RASIP1: variants seen among roughly 807,000 people sequenced by gnomAD.
RASIP1 encodes Ras interacting protein 1, also known as ras-interacting protein 1.
Under a neutral mutation model 85.3 loss-of-function variants are expected in RASIP1, and 20 were observed. That is an observed-to-expected ratio of 0.23 (90% CI 0.17 to 0.34). The LOEUF is 0.34. Ranked by LOEUF, RASIP1 falls within the 10% of genes least tolerant of loss-of-function variation. The pLI, the probability that RASIP1 is intolerant of heterozygous loss-of-function variation, is 1.00. For missense variants in RASIP1, 1,170 were observed against 1,390.9 expected (o/e 0.84, Z 2.53); for synonymous variants, 617 against 647.1 (o/e 0.95, Z 0.71).
chr19:48,738,797 T>G lies in RASIP1; in HGVS notation c.823+163A>C, dbSNP rs930306654. 69 of 918,268 alleles carry G rather than the reference T, an allele frequency of 7.5e-5. 1 individual carries two copies. The highest frequency in any genetic ancestry group is 9.6e-5 in the Non-Finnish European group (69 of 717,918). 56.9% of individuals were successfully genotyped at this position (918,268 alleles called of 1,614,324 possible). A position where few individuals can be genotyped will look rare whatever the true frequency, so the allele number is the denominator to read the frequency against. On this transcript the variant is annotated intron_variant, in intron 3 of 11. Transcript: ENST00000222145. This position sits in a 1 kb window ranked among gnomAD's most constrained non-coding sequence, Gnocchi z 4.0. ...GCCGCCCCCGGCCCTGCTCTAGCTC[T>G]GCCTAGAGTCCAACACGCACCGTCC...
rs536824587 is a variant in RASIP1 at position 48,739,908 on chromosome 19, C to T, written c.137+238G>A. ...GGGAGGAAGGAAGGTGAATCAATCC[C>T]CCTGCTCCTTCTGTCCCCGTCCCCG... On this transcript the variant is annotated intron_variant, in intron 2 of 11. Coordinates refer to ENST00000222145, the MANE Select transcript of RASIP1 (RefSeq NM_017805.3). The surrounding 1 kb of genome is among the most constrained non-coding windows in gnomAD (Gnocchi z 9.2). Among the ~76,000 whole-genome samples the T allele has an allele frequency of 2.0e-5, 3 of 152,142 alleles. No individual in the cohort carries two copies. The South Asian group carries it at 6.2e-4, about 32-fold the overall frequency.
At chr19:48,737,789 C>A (rs1207342780) in intron 3 of RASIP1, 1 of 985,070 alleles carries the variant, frequency 1.0e-6, no homozygotes, top group African/African-American at 1.7e-5. Flanking sequence ...CCAGACCACG[C>A]TTTTCCACAA....
rs1173265163 is a variant in RASIP1, at chr19:48,724,115, T to C, written c.2544+222A>G. Among the ~76,000 whole-genome samples, 1 of 152,230 alleles carries C rather than the reference T, an allele frequency of 6.6e-6. No homozygotes were observed. Among genetic ancestry groups the C allele is most frequent in the Non-Finnish European group, 1.5e-5 (1 of 68,042 alleles). On this transcript the variant is annotated intron_variant, in intron 10 of 11. Coordinates refer to ENST00000222145, the MANE Select transcript of RASIP1 (RefSeq NM_017805.3). This position sits in a 1 kb window ranked among gnomAD's most constrained non-coding sequence, Gnocchi z 4.6. ...GAGCCACTGCTCCTGGCCTGGAAAC[T>C]ATTTTTAATAAGTTCCACCAGGATT...
chr19:48,723,865 TG>T (rs2033295270), intron 10 of RASIP1, among the ~76,000 whole-genome samples: 1 of 146,478 alleles, frequency 6.8e-6, no homozygotes, highest in Non-Finnish European at 1.5e-5. Context: ...TGGAGTGCAA[TG>T]GTGCAATCTT....
In RASIP1 at chr19:48,729,280, G is replaced by A. The variant is rs1278301855; in HGVS notation, c.1490C>T (p.Pro497Leu). 1 of 1,529,192 alleles carries A rather than the reference G, an allele frequency of 6.5e-7. No homozygotes were observed. Among genetic ancestry groups the A allele is most frequent in the South Asian group, 1.2e-5 (1 of 81,686 alleles). The allele number at this position is 1,529,192 out of a possible 1,614,324, so 94.7% of individuals were successfully genotyped here. ...CGCGGGCAGCCACGGCGGCCTCGCA[G>A]GCCCCGAGCCCCCAGTGCGGGGGTC... is the stretch of plus-strand genomic sequence containing the variant. ...YKDPRTGGSG[P>L]ARPPWLPARP... The change falls in exon 5 of 12, where the codon CCT becomes CTT. Residue 497 changes from proline (P) to leucine (L), a missense_variant. Physicochemically the swap from Pro to Leu is moderately conservative, Grantham distance 98. This residue lies in a region of RASIP1 where 426 missense variants were observed against 576.2 expected (regional missense o/e 0.74). Coordinates refer to ENST00000222145, the MANE Select transcript of RASIP1 (RefSeq NM_017805.3).
chr19:48,739,344 C>T lies in RASIP1; in HGVS notation c.439G>A (p.Val147Ile), dbSNP rs1294664451. 2 of 1,352,508 alleles carry T rather than the reference C, an allele frequency of 1.5e-6. No individual in the cohort carries two copies. Among genetic ancestry groups the T allele is most frequent in the Admixed American group, 4.0e-5 (1 of 24,938 alleles). The allele number at this position is 1,352,508 out of a possible 1,614,324, so 83.8% of individuals were successfully genotyped here. The change falls in exon 3 of 12, where the codon GTC becomes ATC. Residue 147 changes from valine to isoleucine, a missense_variant. Val to Ile is a conservative substitution (Grantham distance 29). This residue lies in a region of RASIP1 where 299 missense variants were observed against 394.4 expected (regional missense o/e 0.76). Coordinates refer to ENST00000222145, the MANE Select transcript of RASIP1 (RefSeq NM_017805.3). This position sits in a 1 kb window ranked among gnomAD's most constrained non-coding sequence, Gnocchi z 9.2. ...LATRATAPPG[V>I]LKIFGAGLAS... is the part of the protein sequence containing the mutation. ...AGTCCGGCGCCGAAGATCTTGAGGA[C>T]CCCCGGAGGCGCCGTGGCGCGGGTA...
chr19:48,740,222 CG>C lies in RASIP1; in HGVS notation c.60del (p.Val21TrpfsTer160). ...CTGGGGGAATTGATCCACAGGCCCA[CG>C]GGGAGATGAAGCTTCCCGAAGCGGG... ...GSPRFGKLHL[P>X]VGLWINSPRK... On this transcript the variant is annotated frameshift_variant, in exon 2 of 12. Transcript: ENST00000222145. LOFTEE classifies it high-confidence loss of function. This position sits in a 1 kb window ranked among gnomAD's most constrained non-coding sequence, Gnocchi z 5.5. 6.3e-7 allele frequency: 1 copy of C among 1,590,206 alleles called. No individual in the cohort carries two copies. Among genetic ancestry groups the C allele is most frequent in the East Asian group, 2.3e-5 (1 of 43,376 alleles).
rs35424254 is a variant in RASIP1, at chr19:48,729,709, C to CT, written c.1180-120dup. The CT allele has an allele frequency of 4.0e-3, 1,530 of 380,212 alleles. 11 individuals are homozygous for CT. Among genetic ancestry groups the CT allele is most frequent in the African/African-American group, 0.013 (336 of 26,202 alleles). 23.6% of individuals were successfully genotyped at this position (380,212 alleles called of 1,614,324 possible). ...ACCAACTTTTTTTTTCCTTCTTCTT[C>CT]TTTTTTTTTTTTTTTTTTTTTTTGA... On this transcript the variant is annotated intron_variant, in intron 4 of 11. Coordinates refer to ENST00000222145, the MANE Select transcript of RASIP1 (RefSeq NM_017805.3).
In RASIP1 at chr19:48,724,638, G is replaced by A; in HGVS notation, c.2371+79C>T. ...CAGGGTACCCAAAGGTGAGGCTTGA[G>A]CCCGTGGTGTGTCTAATATGACCTG... is the stretch of plus-strand genomic sequence containing the variant. On this transcript the variant is annotated intron_variant, in intron 9 of 11. Coordinates refer to ENST00000222145, the MANE Select transcript of RASIP1 (RefSeq NM_017805.3). The surrounding 1 kb of genome is among the most constrained non-coding windows in gnomAD (Gnocchi z 4.6). The A allele has an allele frequency of 1.9e-6, 3 of 1,587,556 alleles. No individual in the cohort carries two copies. The highest frequency in any genetic ancestry group is 2.6e-6 in the Non-Finnish European group (3 of 1,164,182).
intron 8 of RASIP1, among the ~76,000 whole-genome samples, chr19:48,725,975 G>A (rs1304473926): frequency 2.6e-5 from 4 of 152,036 alleles, no homozygotes; most frequent in African/African-American, 9.7e-5. Flanking sequence ...CTGTCGCCCT[G>A]GAGTGCAATG....
chr19:48,726,205 G>A (rs1045593296), intron 8 of RASIP1, among the ~76,000 whole-genome samples: 1 of 152,064 alleles, frequency 6.6e-6, no homozygotes, highest in Admixed American at 6.6e-5. Flanking sequence ...GATTACAGGC[G>A]TGAGCCACTG....
chr19:48,722,673 G>A (rs781294160), intron 10 of RASIP1, among the ~76,000 whole-genome samples: 3 of 152,094 alleles, frequency 2.0e-5, no homozygotes, highest in African/African-American at 4.8e-5. Context: ...AACCATCAAT[G>A]TGCTTAACAT....
At chr19:48,727,924 G>A (rs1251884458) in intron 5 of RASIP1, among the ~76,000 whole-genome samples, 2 of 151,590 alleles carry the variant, frequency 1.3e-5, no homozygotes, top group Non-Finnish European at 2.9e-5. Context: ...CCGACTTCAG[G>A]TGATCTGCCC....
chr19:48,728,630 G>C (rs1486408385), intron 5 of RASIP1, among the ~76,000 whole-genome samples: 1 of 152,144 alleles, frequency 6.6e-6, no homozygotes, highest in African/African-American at 2.4e-5. Flanking sequence ...CGGGCGTGCT[G>C]GCAGGCGCCT....
intron 11 of RASIP1, among the ~76,000 whole-genome samples, chr19:48,721,312 C>A (rs2033234635): frequency 6.6e-6 from 1 of 151,888 alleles, no homozygotes; most frequent in Admixed American, 6.6e-5. Flanking sequence ...GACCTGGACT[C>A]CTAGGGGTGG....
At chr19:48,722,657 C>T (rs1000659642) in intron 10 of RASIP1, among the ~76,000 whole-genome samples, 1 of 152,068 alleles carries the variant, frequency 6.6e-6, no homozygotes, top group South Asian at 2.1e-4. Context: ...ATGTAGCTGA[C>T]GTCAGAACCA....
rs1472938351 is a variant in RASIP1 at position 48,738,861 on chromosome 19, G to A, written c.823+99C>T. On this transcript the variant is annotated intron_variant, in intron 3 of 11. Transcript: ENST00000222145. The surrounding 1 kb of genome is among the most constrained non-coding windows in gnomAD (Gnocchi z 4.0). ...TCCCCTCCCGCGGGCCCCGCCCCCAGCCAGCCCGCGAGTCCCACAAGCCCC... is the reference window on the plus strand; with the variant it reads ...TCCCCTCCCGCGGGCCCCGCCCCCAACCAGCCCGCGAGTCCCACAAGCCCC... The A allele has an allele frequency of 1.7e-5, 13 of 771,036 alleles. No individual in the cohort carries two copies. Among genetic ancestry groups the A allele is most frequent in the Middle Eastern group, 6.1e-4 (1 of 1,644 alleles). The allele number at this position is 771,036 out of a possible 1,614,324, so 47.8% of individuals were successfully genotyped here.
chr19:48,727,425 C>T lies in RASIP1; in HGVS notation c.1839G>A (p.Lys613=), dbSNP rs769654502. 4 of 1,613,902 alleles carry T rather than the reference C, an allele frequency of 2.5e-6. No homozygotes were observed. Among genetic ancestry groups the T allele is most frequent in the Non-Finnish European group, 3.4e-6 (4 of 1,179,764 alleles). Residue 613 remains lysine (K), a synonymous_variant, in exon 6 of 12, where the codon AAG becomes AAA. Coordinates refer to ENST00000222145, the MANE Select transcript of RASIP1 (RefSeq NM_017805.3). ...GCTGACGGTCTCCAATTTCCTTAATCTTTTCCTGTGGAACAGTAAGATCAG... is the reference window on the plus strand; with the variant it reads ...GCTGACGGTCTCCAATTTCCTTAATTTTTTCCTGTGGAACAGTAAGATCAG... ...ARLIKEAVWE[K]IKEIGDRQPE... is the part of the protein sequence containing the mutation.
At position 48,739,449 on chromosome 19, in the gene RASIP1, G is replaced by A; in HGVS notation, c.334C>T (p.Pro112Ser). Residue 112 changes from proline to serine, a missense_variant, in exon 3 of 12, where the codon CCG becomes TCG. Physicochemically the swap from Pro to Ser is moderately conservative, Grantham distance 74. This residue lies in a region of RASIP1 where 299 missense variants were observed against 394.4 expected (regional missense o/e 0.76). Coordinates refer to ENST00000222145, the MANE Select transcript of RASIP1 (RefSeq NM_017805.3). The surrounding 1 kb of genome is among the most constrained non-coding windows in gnomAD (Gnocchi z 9.2). ...GSSGAGGPGT[P>S]GGAQRWASEK... is the part of the protein sequence containing the mutation. ...CTGGCCCAGCGCTGCGCGCCCCCCG[G>A]GGTCCCAGGGCCTCCTGCGCCGCTG... 6.9e-7 allele frequency: 1 copy of A among 1,456,178 alleles called. No homozygotes were observed. The highest frequency in any genetic ancestry group is 9.0e-7 in the Non-Finnish European group (1 of 1,109,584). 90.2% of individuals were successfully genotyped at this position (1,456,178 alleles called of 1,614,324 possible).
Sources: allele counts gnomAD v4.1 joint callset (sites outside exome capture counted in the v4.1 genomes callset), GRCh38; gene constraint gnomAD v4.1.1; regional missense constraint gnomAD v4.1.1; non-coding constraint Gnocchi (gnomAD v3.1); transcripts MANE v1.5; gene names NCBI Gene and HGNC (gene_info 2026-07-23, HGNC 2026-07-21).